Variants in ZNF554 observed in about 807,000 individuals in gnomAD.
The protein encoded by ZNF554 is zinc finger protein 554.
Under a neutral mutation model 21.2 loss-of-function variants are expected in ZNF554, and 15 were observed. The ratio of observed to expected loss-of-function variants is 0.71; its 90% CI spans 0.47 to 1.09. The LOEUF (loss-of-function observed/expected upper bound fraction) is 1.09, where lower values mean the gene tolerates loss of function less well. ZNF554 is among the 50% of genes least tolerant of loss of function. The pLI, the probability that ZNF554 is intolerant of heterozygous loss-of-function variation, is 0.00. For missense variants in ZNF554, 691 were observed against 662.7 expected (o/e 1.04, Z -0.47); for synonymous variants, 258 against 251.4 (o/e 1.03, Z -0.25).
chr19:2,823,808 C>T (rs775447226), intron 2 of ZNF554, among the ~76,000 whole-genome samples: 2 of 152,114 alleles, frequency 1.3e-5, no homozygotes, highest in Non-Finnish European at 2.9e-5. Context: ...GAGCCCAGGG[C>T]TTTTACGGAC....
chr19:2,827,739 C>T lies in ZNF554; in HGVS notation c.249C>T (p.Ser83=). The change falls in exon 3 of 5, where the codon TCC becomes TCT. Residue 83 remains serine, a synonymous_variant. Transcript: ENST00000317243. ...VMLENYRNVV[S]LEALKNQCTD... ...TGGAGAACTACAGGAACGTGGTCTC[C>T]CTGGGTAAGGCAAGCATCACTAATT... is the stretch of plus-strand genomic sequence containing the variant. 1 of 1,613,862 alleles carries T rather than the reference C, an allele frequency of 6.2e-7. No individual in the cohort carries two copies. Among genetic ancestry groups the T allele is most frequent in the African/African-American group, 1.3e-5 (1 of 75,008 alleles).
intron 3 of ZNF554, 81 bp downstream of exon 3, chr19:2,827,824 A>C: frequency 6.5e-7 from 1 of 1,547,612 alleles, no homozygotes; most frequent in East Asian, 2.3e-5. Context: ...CTGCTAATAA[A>C]GAAATACCCA....
chr19:2,823,378 C>G (rs2087288554), intron 2 of ZNF554, among the ~76,000 whole-genome samples: 1 of 152,130 alleles, frequency 6.6e-6, no homozygotes, highest in Non-Finnish European at 1.5e-5. Flanking sequence ...ACCTCTGTGG[C>G]TGTGGTACCT....
In ZNF554 at chr19:2,819,910, G is replaced by A; in HGVS notation, c.-162G>A. 2.4e-6 allele frequency: 1 copy of A among 408,290 alleles called. No homozygotes were observed. Among genetic ancestry groups the A allele is most frequent in the Non-Finnish European group, 3.9e-6 (1 of 256,850 alleles). The allele number at this position is 408,290 out of a possible 1,614,324, so 25.3% of individuals were successfully genotyped here. Reference sequence around the variant, plus strand: ...TGCGCGCGTCGGGGTTGGTGGCGGCGGCTGCGGCGAGTTCCTGAGGGGCGC... The same window carrying A: ...TGCGCGCGTCGGGGTTGGTGGCGGCAGCTGCGGCGAGTTCCTGAGGGGCGC... On this transcript the variant is annotated 5_prime_UTR_variant, in exon 1 of 5. Coordinates refer to ENST00000317243, the MANE Select transcript of ZNF554 (RefSeq NM_001102651.2).
intron 2 of ZNF554, 58 bp downstream of exon 2, chr19:2,823,170 C>T: frequency 6.5e-7 from 1 of 1,538,416 alleles, no homozygotes; most frequent in South Asian, 1.1e-5. Context: ...AACAATCCCA[C>T]CAGAAACTCA....
chr19:2,828,067 A>G (rs879824230), intron 3 of ZNF554, among the ~76,000 whole-genome samples: 1 of 152,106 alleles, frequency 6.6e-6, no homozygotes, highest in African/African-American at 2.4e-5. Flanking sequence ...TGATTCAGTT[A>G]TCTCCCCCTG....
In ZNF554 at chr19:2,833,977, G is replaced by A. The variant is rs761081712; in HGVS notation, c.742G>A (p.Glu248Lys). Residue 248 changes from glutamate to lysine, a missense_variant, in exon 5 of 5, where the codon GAG becomes AAG. Coordinates refer to ENST00000317243, the MANE Select transcript of ZNF554 (RefSeq NM_001102651.2). ...TAAAGGGAACCACTTGTGTGGCAGCGAGTTAGATATTACAAGCTTGGCATC... is the reference window on the plus strand; with the variant it reads ...TAAAGGGAACCACTTGTGTGGCAGCAAGTTAGATATTACAAGCTTGGCATC... The part of the protein sequence containing the change: ...SSKGNHLCGS[E>K]LDITSLASDS... The A allele has an allele frequency of 1.3e-5, 21 of 1,613,978 alleles. No individual in the cohort carries two copies. Among genetic ancestry groups the A allele is most frequent in the Admixed American group, 3.3e-5 (2 of 59,992 alleles).
At chr19:2,820,673 C>T (rs1015836124) in intron 1 of ZNF554, among the ~76,000 whole-genome samples, 6 of 100,322 alleles carry the variant, frequency 6.0e-5, no homozygotes, top group Non-Finnish European at 1.3e-4. Flanking sequence ...GGTGATAAGA[C>T]AGCAAGGGTC....
At position 2,836,357 on chromosome 19, in the gene ZNF554, A is replaced by G. The variant is rs1265798606; in HGVS notation, c.*1505A>G. Among the ~76,000 whole-genome samples the G allele has an allele frequency of 1.3e-5, 2 of 152,240 alleles. No homozygotes were observed. Among genetic ancestry groups the G allele is most frequent in the Admixed American group, 6.5e-5 (1 of 15,298 alleles). ...GTGCGAGCCGCCGTGCTGGGATTAC[A>G]GGTGTGAACCACTGCTCCTGGCCTT... On this transcript the variant is annotated 3_prime_UTR_variant, in exon 5 of 5. Coordinates refer to ENST00000317243, the MANE Select transcript of ZNF554 (RefSeq NM_001102651.2).
intron 2 of ZNF554, 86 bp downstream of exon 2, chr19:2,823,198 C>A: frequency 7.6e-7 from 1 of 1,316,906 alleles, no homozygotes. Flanking sequence ...ATAGAGGAGA[C>A]CCCTTGCTAT....
At position 2,833,749 on chromosome 19, in the gene ZNF554, A is replaced by G. The variant is rs1204816969; in HGVS notation, c.514A>G (p.Ser172Gly). 9 of 1,578,056 alleles carry G rather than the reference A, an allele frequency of 5.7e-6. No individual in the cohort carries two copies. Among genetic ancestry groups the G allele is most frequent in the East Asian group, 2.3e-5 (1 of 44,412 alleles). ...GGTGGCTTTGCAGGAGGAACCAGCC[A>G]GTGGTATAAATATGATAAAGCTTAT... ...KKVALQEEPA[S>G]GINMIKLIRE... The change falls in exon 5 of 5, where the codon AGT becomes GGT. Residue 172 changes from serine (S) to glycine (G), a missense_variant. By Grantham distance (56) the Ser-to-Gly change is moderately conservative (BLOSUM62 0). Transcript: ENST00000317243.
rs2087475724 is a variant in ZNF554, at chr19:2,834,693, C to T, written c.1458C>T (p.His486=). ...RSSLVRHERT[H]TGEKPYRCQE... The stretch of plus-strand genomic sequence containing the variant: ...CCCTTGTGAGGCACGAGAGAACTCA[C>T]ACTGGAGAGAAACCCTACAGGTGTC... Residue 486 remains histidine (H), a synonymous_variant, in exon 5 of 5, where the codon CAC becomes CAT. Transcript: ENST00000317243. 6.2e-7 allele frequency: 1 copy of T among 1,614,038 alleles called. No individual in the cohort carries two copies. The highest frequency in any genetic ancestry group is 8.5e-7 in the Non-Finnish European group (1 of 1,179,976).
rs1215051041 is a variant in ZNF554 at position 2,835,661 on chromosome 19, CAG to C, written c.*811_*812del. The C allele has an allele frequency of 6.6e-6, 1 of 152,104 alleles. No homozygotes were observed. Among genetic ancestry groups the C allele is most frequent in the Non-Finnish European group, 1.5e-5 (1 of 68,028 alleles). The allele number at this position is 152,104 out of a possible 1,614,324, so 9.4% of individuals were successfully genotyped here. On this transcript the variant is annotated 3_prime_UTR_variant, in exon 5 of 5. Coordinates refer to ENST00000317243, the MANE Select transcript of ZNF554 (RefSeq NM_001102651.2). ...CCATTACACTACGTCCAGTAAGCTC[CAG>C]ACTTTCGGAAAAGATTGGTGGACGG... is the stretch of plus-strand genomic sequence containing the variant.
chr19:2,833,638 TTTC>T (rs750761338), intron 4 of ZNF554, 40 bp from the exon 5 acceptor site: 9 of 1,492,376 alleles, frequency 6.0e-6, no homozygotes, highest in East Asian at 2.3e-5. Flanking sequence ...CAAGTAGCTG[TTTC>T]TTCTTCTAAA....
chr19:2,821,652 T>G lies in ZNF554; in HGVS notation c.54-1388T>G, dbSNP rs2087265499. The stretch of plus-strand genomic sequence containing the variant: ...ATCATGTGGCCTTCTTCCCTGTGTC[T>G]CTTTCTCCTTTTTTGTTTTTATTTT... On this transcript the variant is annotated intron_variant, in intron 1 of 4. Transcript: ENST00000317243. This position sits in a 1 kb window ranked among gnomAD's most constrained non-coding sequence, Gnocchi z 8.2. Among the ~76,000 whole-genome samples, 1 of 151,750 alleles carries G rather than the reference T, an allele frequency of 6.6e-6. No individual in the cohort carries two copies. The highest frequency in any genetic ancestry group is 1.5e-5 in the Non-Finnish European group (1 of 68,012).
rs528213349 is a variant in ZNF554, at chr19:2,835,156, G to A, written c.*304G>A. The A allele has an allele frequency of 1.4e-4, 37 of 260,456 alleles. No individual in the cohort carries two copies. The highest frequency in any genetic ancestry group is 5.1e-4 in the African/African-American group (23 of 45,490). The allele number at this position is 260,456 out of a possible 1,614,324, so 16.1% of individuals were successfully genotyped here. A position where few individuals can be genotyped will look rare whatever the true frequency, so the allele number is the denominator to read the frequency against. On this transcript the variant is annotated 3_prime_UTR_variant, in exon 5 of 5. Transcript: ENST00000317243. ...TAGTACTATAGGTGTGCACCACCAC[G>A]CCCAGCAAATTTTTAAATTTATTAT...
intron 2 of ZNF554, among the ~76,000 whole-genome samples, chr19:2,823,880 G>T (rs191045288): frequency 1.3e-5 from 2 of 152,110 alleles, no homozygotes; most frequent in Non-Finnish European, 2.9e-5. Context: ...GTCGAAAGAG[G>T]CACCATGAGT....
intron 2 of ZNF554, among the ~76,000 whole-genome samples, chr19:2,825,513 G>A (rs1452608769): frequency 6.6e-6 from 1 of 152,186 alleles, no homozygotes; most frequent in Non-Finnish European, 1.5e-5. Context: ...GTTTCACCAT[G>A]TTGGCCAGGC....
At position 2,834,284 on chromosome 19, in the gene ZNF554, A is replaced by C; in HGVS notation, c.1049A>C (p.Lys350Thr). ...CATCAAAGAATTCACACGGGGGAGA[A>C]ACCCTACGAGTGTCAGGAGTGTGGG... Reference protein sequence around the residue: ...SEHQRIHTGEKPYECQECGRA... With the variant: ...SEHQRIHTGETPYECQECGRA... The change falls in exon 5 of 5, where the codon AAA becomes ACA. Residue 350 changes from lysine to threonine, a missense_variant. By Grantham distance (78) the Lys-to-Thr change is moderately conservative. Coordinates refer to ENST00000317243, the MANE Select transcript of ZNF554 (RefSeq NM_001102651.2). 1 of 1,614,124 alleles carries C rather than the reference A, an allele frequency of 6.2e-7. No individual in the cohort carries two copies. Among genetic ancestry groups the C allele is most frequent in the Non-Finnish European group, 8.5e-7 (1 of 1,180,030 alleles).
Sources: allele counts gnomAD v4.1 joint callset (sites outside exome capture counted in the v4.1 genomes callset), GRCh38; gene constraint gnomAD v4.1.1; non-coding constraint Gnocchi (gnomAD v3.1); transcripts MANE v1.5; gene names NCBI Gene and HGNC (gene_info 2026-07-23, HGNC 2026-07-21).